SCARA5: variants seen among roughly 807,000 people sequenced by gnomAD.
SCARA5 encodes the protein scavenger receptor class A member 5.
A neutral mutation model predicts 46.3 loss-of-function variants in SCARA5; 45 were observed. That is an observed-to-expected ratio of 0.97 (90% CI 0.76 to 1.24). The LOEUF (loss-of-function observed/expected upper bound fraction) is 1.24, where lower values mean the gene tolerates loss of function less well. Among genes scored for constraint, SCARA5 ranks in the 50% most tolerant of loss-of-function variants. The pLI, the probability that SCARA5 is intolerant of heterozygous loss-of-function variation, is 0.00. For synonymous variants in SCARA5, 333 were observed against 306.5 expected (o/e 1.09, Z -0.90); for missense variants, 680 against 689.0 (o/e 0.99, Z 0.15).
intron 2 of SCARA5, among the ~76,000 whole-genome samples, 157 bp downstream of exon 2, chr8:27,987,347 T>C (rs572237325): frequency 1.1e-4 from 16 of 152,338 alleles, no homozygotes; most frequent in Middle Eastern, 3.4e-3. Flanking sequence ...AGAAAACCCA[T>C]GGAGAAGACC....
chr8:27,970,602 C>T (rs1200692108), intron 2 of SCARA5, among the ~76,000 whole-genome samples: 1 of 152,218 alleles, frequency 6.6e-6, no homozygotes, highest in Non-Finnish European at 1.5e-5. Context: ...TCTGGTCACA[C>T]TGCCTATGGG....
rs543218305 is a variant in SCARA5 at position 27,955,099 on chromosome 8, T to C, written c.241+11315A>G. On this transcript the variant is annotated intron_variant, in intron 3 of 8. Transcript: ENST00000354914. Reference sequence around the variant, plus strand: ...ATCCTACAAGTCACTTCTGACACCATTGTCACTGCCCCACCCCATGTTCAT... The same window carrying C: ...ATCCTACAAGTCACTTCTGACACCACTGTCACTGCCCCACCCCATGTTCAT... 1.5e-3 allele frequency among the ~76,000 whole-genome samples: 234 copies of C among 152,258 alleles called. 9 individuals are homozygous for C. The South Asian group carries it at 0.047, about 30-fold the overall frequency.
In SCARA5 at chr8:27,992,642, G is replaced by A. The variant is rs955381117; in HGVS notation, c.-401C>T. 3 of 152,282 alleles carry A rather than the reference G, an allele frequency of 2.0e-5. No homozygotes were observed. The highest frequency in any genetic ancestry group is 7.2e-5 in the African/African-American group (3 of 41,452). The allele number at this position is 152,282 out of a possible 1,614,324, so 9.4% of individuals were successfully genotyped here. On this transcript the variant is annotated 5_prime_UTR_variant, in exon 1 of 9. Transcript: ENST00000354914. ...CTCCTCTAGGTACTGCCTGAGATGCGAACTGCAGCTGCTCTCGCCGCCAGT... is the reference window on the plus strand; with the variant it reads ...CTCCTCTAGGTACTGCCTGAGATGCAAACTGCAGCTGCTCTCGCCGCCAGT...
At chr8:27,958,853 G>A (rs1431105791) in intron 3 of SCARA5, among the ~76,000 whole-genome samples, 1 of 152,176 alleles carries the variant, frequency 6.6e-6, no homozygotes, top group African/African-American at 2.4e-5. Context: ...ATGGGGTGAG[G>A]AGGAGATCTG....
chr8:27,893,677 C>G (rs1462124349), intron 7 of SCARA5, among the ~76,000 whole-genome samples: 1 of 152,212 alleles, frequency 6.6e-6, no homozygotes, highest in African/African-American at 2.4e-5. Context: ...GAATGCATTA[C>G]AGGATTTTAA....
intron 6 of SCARA5, 66 bp from the exon 7 acceptor site, chr8:27,904,900 C>T: frequency 7.4e-7 from 1 of 1,352,810 alleles, no homozygotes; most frequent in Non-Finnish European, 1.0e-6. Flanking sequence ...AAAATATTAC[C>T]TGCAGGAGAT....
chr8:27,961,411 T>TGA (rs1225696035), intron 3 of SCARA5, among the ~76,000 whole-genome samples: 2 of 152,318 alleles, frequency 1.3e-5, no homozygotes, highest in African/African-American at 4.8e-5. Flanking sequence ...GGAAGCTTCC[T>TGA]GAGGCCTTAC....
At chr8:27,962,483 G>T (rs942207317) in intron 3 of SCARA5, among the ~76,000 whole-genome samples, 3 of 152,174 alleles carry the variant, frequency 2.0e-5, no homozygotes, top group Non-Finnish European at 4.4e-5. Context: ...TCACAGGGTT[G>T]TTTCTGACAG....
At chr8:27,875,205 C>G (rs62496776) in intron 8 of SCARA5, among the ~76,000 whole-genome samples, 1 of 91,068 alleles carries the variant, frequency 1.1e-5, no homozygotes, top group Non-Finnish European at 2.8e-5. Context: ...CTTCACTCCT[C>G]CCTCCCTCCC....
At chr8:27,919,423 G>A (rs1705261198) in intron 4 of SCARA5, among the ~76,000 whole-genome samples, 1 of 152,024 alleles carries the variant, frequency 6.6e-6, no homozygotes, top group African/African-American at 2.4e-5. Flanking sequence ...ACCATGTATG[G>A]CCCTTGAGTT....
intron 3 of SCARA5, among the ~76,000 whole-genome samples, chr8:27,940,279 G>A (rs1269016101): frequency 6.6e-6 from 1 of 152,152 alleles, no homozygotes; most frequent in East Asian, 1.9e-4. Context: ...CACTTGCCAG[G>A]AATCTAGGCC....
intron 1 of SCARA5, among the ~76,000 whole-genome samples, chr8:27,990,194 G>C (rs963312058): frequency 5.3e-5 from 8 of 152,240 alleles, no homozygotes; most frequent in Non-Finnish European, 1.2e-4. Flanking sequence ...TCCAGCAGGA[G>C]CCCAGGGGAT....
chr8:27,981,984 G>C (rs1364870109), intron 2 of SCARA5, among the ~76,000 whole-genome samples: 1 of 152,138 alleles, frequency 6.6e-6, no homozygotes, highest in African/African-American at 2.4e-5. Flanking sequence ...AAGTGAACCG[G>C]GGAGATCTGA....
chr8:27,889,317 C>T (rs933726976), intron 7 of SCARA5, among the ~76,000 whole-genome samples: 4 of 152,134 alleles, frequency 2.6e-5, no homozygotes, highest in Non-Finnish European at 5.9e-5. Flanking sequence ...AGTGATTTTT[C>T]GGTAATTATG....
chr8:27,961,115 C>T (rs1029643173), intron 3 of SCARA5, among the ~76,000 whole-genome samples: 7 of 152,144 alleles, frequency 4.6e-5, no homozygotes, highest in Admixed American at 2.0e-4. Context: ...GTAAGAGTGA[C>T]GATGCTAATA....
At chr8:27,941,793 A>G (rs1563533202) in intron 3 of SCARA5, among the ~76,000 whole-genome samples, 1 of 122,084 alleles carries the variant, frequency 8.2e-6, no homozygotes, top group African/African-American at 3.1e-5. Context: ...ATCCCCATTT[A>G]CATCATCATT....
chr8:27,964,071 C>T (rs1361245180), intron 3 of SCARA5, among the ~76,000 whole-genome samples: 1 of 152,208 alleles, frequency 6.6e-6, no homozygotes, highest in Non-Finnish European at 1.5e-5. Flanking sequence ...CCCCTGACCC[C>T]TGATCTTGGT....
At chr8:27,923,661 T>C (rs10100375) in intron 3 of SCARA5, among the ~76,000 whole-genome samples, 87,408 of 152,034 alleles carry the variant, frequency 0.57, 26,222 homozygotes, top group South Asian at 0.73. Flanking sequence ...CTGCAACCTC[T>C]GCCTCCCAGG....
chr8:27,941,584 G>A lies in SCARA5; in HGVS notation c.242-19339C>T, dbSNP rs540443537. 1.3e-4 allele frequency among the ~76,000 whole-genome samples: 19 copies of A among 151,992 alleles called. No homozygotes were observed. In the East Asian group the frequency reaches 3.1e-3, roughly 25 times the overall value. On this transcript the variant is annotated intron_variant, in intron 3 of 8. Transcript: ENST00000354914. Reference sequence around the variant, plus strand: ...AAGAAAACCCCACATATACTGCAAAGTCCTATTCAAATTCAAACTCTCGGT... The same window carrying A: ...AAGAAAACCCCACATATACTGCAAAATCCTATTCAAATTCAAACTCTCGGT...
Sources: gnomAD v4.1 joint callset for allele counts (sites outside exome capture counted in the v4.1 genomes callset) on GRCh38, gnomAD v4.1.1 for gene constraint, MANE v1.5 for transcripts, NCBI Gene and HGNC (gene_info 2026-07-23, HGNC 2026-07-21) for gene names.